The following GLRB variants were observed in gnomAD, a reference collection of about 807,000 sequenced individuals.
The protein encoded by GLRB is glycine receptor beta, also known as glycine receptor subunit beta.
Under a neutral mutation model 54.2 loss-of-function variants are expected in GLRB, and 33 were observed. The ratio of observed to expected loss-of-function variants is 0.61; its 90% CI spans 0.46 to 0.81. The LOEUF is 0.81. Among genes scored for constraint, GLRB ranks in the 40% least tolerant of loss-of-function variants. The pLI is 0.00. For synonymous variants in GLRB, 209 were observed against 208.2 expected, an observed-to-expected ratio of 1.00 and a Z score of -0.03; for missense variants, 572 against 584.6, an observed-to-expected ratio of 0.98 and a Z score of 0.22.
At chr4:157,082,143 C>T (rs1485178139) in intron 2 of GLRB, among the ~76,000 whole-genome samples, 1 of 152,086 alleles carries the variant, frequency 6.6e-6, no homozygotes, top group East Asian at 1.9e-4. Flanking sequence ...GTATACAGCC[C>T]GTACCTCTTT....
intron 2 of GLRB, among the ~76,000 whole-genome samples, chr4:157,099,602 C>A (rs1382880101): frequency 6.6e-6 from 1 of 152,118 alleles, no homozygotes; most frequent in African/African-American, 2.4e-5. Flanking sequence ...TCCCGAAGTG[C>A]TGGGATTACA....
At chr4:157,146,342 A>G (rs1442029125) in intron 8 of GLRB, among the ~76,000 whole-genome samples, 1 of 152,110 alleles carries the variant, frequency 6.6e-6, no homozygotes, top group Non-Finnish European at 1.5e-5. Context: ...AGCATGAAAT[A>G]CAAAGTCGCT....
chr4:157,078,854 C>T (rs1734131227), intron 2 of GLRB, among the ~76,000 whole-genome samples: 1 of 151,832 alleles, frequency 6.6e-6, no homozygotes, highest in Non-Finnish European at 1.5e-5. Flanking sequence ...CTCACTGCAA[C>T]CTCTACCTCC....
intron 2 of GLRB, among the ~76,000 whole-genome samples, chr4:157,099,351 T>C (rs1393298994): frequency 6.6e-6 from 1 of 151,964 alleles, no homozygotes; most frequent in African/African-American, 2.4e-5. Flanking sequence ...TTTTTTTTTT[T>C]TTTTCGAGAC....
intron 2 of GLRB, among the ~76,000 whole-genome samples, chr4:157,103,107 G>A (rs983875136): frequency 4.7e-5 from 7 of 148,556 alleles, no homozygotes; most frequent in East Asian, 2.0e-4. Context: ...CTGAGATCAC[G>A]CCACTGCACT....
At chr4:157,082,029 C>A (rs1267789979) in intron 2 of GLRB, among the ~76,000 whole-genome samples, 1 of 152,160 alleles carries the variant, frequency 6.6e-6, no homozygotes, top group Admixed American at 6.5e-5. Flanking sequence ...TCTTCCCTTT[C>A]CCTGAAATGC....
intron 9 of GLRB, among the ~76,000 whole-genome samples, chr4:157,160,093 T>A (rs1312101384): frequency 6.6e-6 from 1 of 152,216 alleles, no homozygotes; most frequent in Non-Finnish European, 1.5e-5. Flanking sequence ...TTTATCCATT[T>A]CTTCTAGATT....
At chr4:157,147,478 G>A (rs1053352291) in intron 8 of GLRB, among the ~76,000 whole-genome samples, 1 of 152,062 alleles carries the variant, frequency 6.6e-6, no homozygotes, top group Non-Finnish European at 1.5e-5. Context: ...GGGGGGATTG[G>A]AGATATTTAG....
intron 6 of GLRB, among the ~76,000 whole-genome samples, chr4:157,137,886 T>C (rs1736463138): frequency 6.6e-6 from 1 of 152,194 alleles, no homozygotes; most frequent in African/African-American, 2.4e-5. Context: ...ACATACACTT[T>C]TGAGTTCGAT....
At chr4:157,165,617 A>G (rs1387134803) in intron 9 of GLRB, among the ~76,000 whole-genome samples, 2 of 152,012 alleles carry the variant, frequency 1.3e-5, no homozygotes, top group African/African-American at 4.8e-5. Flanking sequence ...CCATGCCTAT[A>G]TAATTGTCTG....
At chr4:157,122,482 G>T in intron 4 of GLRB, 85 bp downstream of exon 4, 1 of 567,120 alleles carries the variant, frequency 1.8e-6, no homozygotes, top group Non-Finnish European at 3.3e-6. Context: ...ACAATAAGGA[G>T]CAACTCAAAT....
Position 157,136,583 on chromosome 4 carries a change from T to G in GLRB, c.412T>G (p.Leu138Val). Residue 138 changes from leucine to valine, a missense_variant, in exon 5 of 10, where the codon TTA becomes GTA. Transcript: ENST00000264428. ...LTVDPTMYKCLWKPDLFFANE... is the reference protein window; with the variant it reads ...LTVDPTMYKCVWKPDLFFANE... Reference sequence around the variant, plus strand: ...AGTGGATCCAACAATGTACAAGTGTTTATGGAAACCTGATTTATTTTTTGC... The same window carrying G: ...AGTGGATCCAACAATGTACAAGTGTGTATGGAAACCTGATTTATTTTTTGC... 6.2e-7 allele frequency: 1 copy of G among 1,612,698 alleles called. No individual in the cohort carries two copies. The highest frequency in any genetic ancestry group is 8.5e-7 in the Non-Finnish European group (1 of 1,178,768).
rs796172547 is a variant in GLRB at position 157,088,851 on chromosome 4, A to G, written c.122+10705A>G. On this transcript the variant is annotated intron_variant, in intron 2 of 9. Transcript: ENST00000264428. The stretch of plus-strand genomic sequence containing the variant: ...ATTAAAGGGTCACCCACCTGGAAAA[A>G]TGTATATAGTTTTTATATTCCTATT... Among the ~76,000 whole-genome samples, 53 of 152,204 alleles carry G rather than the reference A, an allele frequency of 3.5e-4. 1 individual carries two copies. The highest frequency in any genetic ancestry group is 1.2e-3 in the African/African-American group (50 of 41,538).
intron 2 of GLRB, among the ~76,000 whole-genome samples, chr4:157,118,653 T>C (rs1735692203): frequency 6.6e-6 from 1 of 151,608 alleles, no homozygotes; most frequent in East Asian, 1.9e-4. Context: ...CTATATCAAT[T>C]CATAGTATTA....
At chr4:157,107,626 A>G (rs1408481995) in intron 2 of GLRB, among the ~76,000 whole-genome samples, 1 of 152,086 alleles carries the variant, frequency 6.6e-6, no homozygotes, top group Non-Finnish European at 1.5e-5. Flanking sequence ...GAAAATTTGG[A>G]AGCTAGCAGA....
intron 8 of GLRB, among the ~76,000 whole-genome samples, chr4:157,147,890 C>T (rs76717058): frequency 0.043 from 6,543 of 152,296 alleles, 143 homozygotes; most frequent in African/African-American, 0.059. Context: ...TCTGCTCTTA[C>T]CTGTTCTATG....
Position 157,152,741 on chromosome 4 carries a change from G to C in GLRB, c.928G>C (p.Ala310Pro). Reference sequence around the variant, plus strand: ...AGGTATCTTCTCAGTCCTCAGCTTGGCCTCTGAGTGCACAACCCTTGCCGC... The same window carrying C: ...AGGTATCTTCTCAGTCCTCAGCTTGCCCTCTGAGTGCACAACCCTTGCCGC... ...PLGIFSVLSL[A>P]SECTTLAAEL... The change falls in exon 9 of 10, where the codon GCC (alanine) becomes CCC (proline). Residue 310 changes from alanine (A) to proline (P), a missense_variant. Physicochemically the swap from Ala to Pro is conservative, Grantham distance 27 (BLOSUM62 -1). Coordinates refer to ENST00000264428, the MANE Select transcript of GLRB (RefSeq NM_000824.5). 6.2e-7 allele frequency: 1 copy of C among 1,613,516 alleles called. No individual in the cohort carries two copies. The highest frequency in any genetic ancestry group is 8.5e-7 in the Non-Finnish European group (1 of 1,179,626).
intron 2 of GLRB, among the ~76,000 whole-genome samples, chr4:157,093,117 A>AT (rs1211337943): frequency 6.6e-6 from 1 of 152,132 alleles, no homozygotes. Context: ...TTCAAGCAAC[A>AT]TATTGGGTTT....
At position 157,143,892 on chromosome 4, in the gene GLRB, CATT is replaced by C. The variant is rs757297225; in HGVS notation, c.838_840del (p.Ile280del). On this transcript the variant is annotated inframe_deletion, in exon 8 of 10. Coordinates refer to ENST00000264428, the MANE Select transcript of GLRB (RefSeq NM_000824.5). ...TGGGGGTCTACGCCCCAACTCTGCTCATTGTTGTTCTCTCCTGGCTTTCCTTCT... is the reference window on the plus strand; with the variant it reads ...TGGGGGTCTACGCCCCAACTCTGCTCGTTGTTCTCTCCTGGCTTTCCTTCT... The C allele has an allele frequency of 1.2e-6, 2 of 1,613,986 alleles. No homozygotes were observed. The highest frequency in any genetic ancestry group is 1.1e-5 in the South Asian group (1 of 91,064).
Sources: gnomAD v4.1 joint callset for allele counts (sites outside exome capture counted in the v4.1 genomes callset) on GRCh38, gnomAD v4.1.1 for gene constraint, MANE v1.5 for transcripts, NCBI Gene and HGNC (gene_info 2026-07-23, HGNC 2026-07-21) for gene names.